CUX1: variants seen among roughly 807,000 people sequenced by gnomAD.
The protein encoded by CUX1 is protein CASP.
A neutral mutation model predicts 158.8 loss-of-function variants in CUX1; 31 were observed. The ratio of observed to expected loss-of-function variants is 0.20; its 90% confidence interval spans 0.15 to 0.26. The LOEUF (loss-of-function observed/expected upper bound fraction) is 0.26, where lower values mean the gene tolerates loss of function less well. Ranked by LOEUF, CUX1 falls within the 10% of genes least tolerant of loss-of-function variation. The pLI is 1.00. For missense variants in CUX1, 1,589 were observed against 2,014.6 expected, an observed-to-expected ratio of 0.79 and a Z score of 4.04; for synonymous variants, 879 against 862.1, an observed-to-expected ratio of 1.02 and a Z score of -0.34.
chr7:102,198,192 G>A (rs1360522447), intron 15 of CUX1, among the ~76,000 whole-genome samples: 2 of 152,188 alleles, frequency 1.3e-5, no homozygotes, highest in Non-Finnish European at 2.9e-5. Flanking sequence ...CCCAGGAGGT[G>A]GAGGCTGCAG....
chr7:102,008,593 A>G lies in CUX1; in HGVS notation c.142-19505A>G, dbSNP rs185585203. ...CTCTGCCCTCTCTAGAGATTGGGAT[A>G]TGACCAGTGTTCAGCCCCCAACCAA... On this transcript the variant is annotated intron_variant, in intron 2 of 23. Coordinates refer to ENST00000292535, the MANE Select transcript of CUX1 (RefSeq NM_181552.4). 2.1e-3 allele frequency among the ~76,000 whole-genome samples: 318 copies of G among 152,208 alleles called. 1 individual carries two copies. Among genetic ancestry groups the G allele is most frequent in the African/African-American group, 7.2e-3 (298 of 41,518 alleles).
chr7:101,952,457 C>T (rs1254590631), intron 2 of CUX1, among the ~76,000 whole-genome samples: 1 of 152,188 alleles, frequency 6.6e-6, no homozygotes, highest in Admixed American at 6.6e-5. Context: ...CGGGCAGGCC[C>T]AGCCGCCTGT....
intron 23 of CUX1, among the ~76,000 whole-genome samples, chr7:102,242,987 G>A (rs1018117720): frequency 6.6e-6 from 1 of 152,094 alleles, no homozygotes; most frequent in Non-Finnish European, 1.5e-5. Flanking sequence ...GTAATCACAG[G>A]TCTGGGCTGG....
At chr7:101,827,290 C>CTTCTT (rs1292238913) in intron 1 of CUX1, among the ~76,000 whole-genome samples, 1 of 113,920 alleles carries the variant, frequency 8.8e-6, no homozygotes, top group African/African-American at 3.3e-5. Context: ...CTTCTCTTCT[C>CTTCTT]TTCTTTTCTT....
intron 4 of CUX1, among the ~76,000 whole-genome samples, chr7:102,071,424 C>G (rs891204100): frequency 6.6e-6 from 1 of 152,126 alleles, no homozygotes; most frequent in Non-Finnish European, 1.5e-5. Flanking sequence ...GCCTTAGAAT[C>G]TGGAGTAAGG....
chr7:101,866,860 C>T (rs1331696876), intron 1 of CUX1, among the ~76,000 whole-genome samples: 6 of 152,080 alleles, frequency 3.9e-5, no homozygotes, highest in South Asian at 2.1e-4. Flanking sequence ...ACAAAGGCGG[C>T]GCCATGGCAT....
chr7:102,259,066 T>C (rs1554542982), downstream of CUX1, among the ~76,000 whole-genome samples: 1 of 152,070 alleles, frequency 6.6e-6, no homozygotes, highest in African/African-American at 2.4e-5. Context: ...AATTTGGAGA[T>C]TTCAGATTGT....
At chr7:102,168,511 G>C (rs1186568338) in intron 9 of CUX1, among the ~76,000 whole-genome samples, 1 of 151,532 alleles carries the variant, frequency 6.6e-6, no homozygotes, top group Non-Finnish European at 1.5e-5. Flanking sequence ...GCCAGGCATG[G>C]TGGGCACCTG....
chr7:102,086,702 C>T (rs1284897043), intron 4 of CUX1, among the ~76,000 whole-genome samples: 5 of 151,834 alleles, frequency 3.3e-5, no homozygotes, highest in African/African-American at 4.8e-5. Context: ...CTCTGCCTCC[C>T]GGGTTTATGC....
intron 3 of CUX1, among the ~76,000 whole-genome samples, chr7:102,041,255 TC>T (rs1563165606): frequency 1.6e-5 from 2 of 124,546 alleles, no homozygotes; most frequent in Non-Finnish European, 3.2e-5. Flanking sequence ...TCTTATCCAT[TC>T]TTTTTTTTTT....
chr7:101,876,169 A>T (rs1799108319), intron 1 of CUX1, among the ~76,000 whole-genome samples: 1 of 151,856 alleles, frequency 6.6e-6, no homozygotes, highest in Admixed American at 6.6e-5. Flanking sequence ...AACATGGCGA[A>T]ACCCCATCTC....
intron 2 of CUX1, among the ~76,000 whole-genome samples, chr7:101,950,385 A>C (rs1301917896): frequency 6.6e-6 from 1 of 152,206 alleles, no homozygotes; most frequent in Non-Finnish European, 1.5e-5. Context: ...TATGAAATTC[A>C]AATTTCATTG....
At chr7:102,092,036 G>A (rs565496235) in intron 4 of CUX1, among the ~76,000 whole-genome samples, 3 of 152,326 alleles carry the variant, frequency 2.0e-5, no homozygotes, top group South Asian at 2.1e-4. Context: ...GATTACAGGC[G>A]TGCGCCATGC....
intron 1 of CUX1, among the ~76,000 whole-genome samples, chr7:101,833,689 G>A (rs1349408648): frequency 2.0e-5 from 3 of 151,962 alleles, no homozygotes; most frequent in African/African-American, 7.3e-5. Context: ...TTACTGTGCT[G>A]TAGTATTTCC....
chr7:101,900,128 A>C (rs909331992), intron 1 of CUX1, among the ~76,000 whole-genome samples: 2 of 152,196 alleles, frequency 1.3e-5, no homozygotes, highest in African/African-American at 4.8e-5. Context: ...GACTAGCAGC[A>C]CTTCTGGGCA....
intron 12 of CUX1, among the ~76,000 whole-genome samples, chr7:102,192,681 G>A (rs897050659): frequency 6.6e-6 from 1 of 152,136 alleles, no homozygotes; most frequent in African/African-American, 2.4e-5. Flanking sequence ...ACACTAGGGG[G>A]ACAGAGGCCG....
In CUX1 at chr7:101,984,477, C is replaced by T. The variant is rs532751412; in HGVS notation, c.142-43621C>T. Among the ~76,000 whole-genome samples, 11 of 147,252 alleles carry T rather than the reference C, an allele frequency of 7.5e-5. No individual in the cohort carries two copies. In the South Asian group the frequency reaches 1.9e-3, roughly 26 times the overall value. ...GTGCTTCGTAGATTTCATTTTTGAA[C>T]GCTCAGATTGTTCTCCGGCAAAAAA... On this transcript the variant is annotated intron_variant, in intron 2 of 23. Transcript: ENST00000292535.
At chr7:101,925,988 G>T (rs1005274560) in intron 2 of CUX1, among the ~76,000 whole-genome samples, 1 of 152,066 alleles carries the variant, frequency 6.6e-6, no homozygotes, top group Non-Finnish European at 1.5e-5. Flanking sequence ...AATTAAAAAA[G>T]AATTCCTCTC....
intron 2 of CUX1, chr7:101,960,312 A>G (rs775938069): frequency 2.0e-5 from 3 of 152,210 alleles, no homozygotes; most frequent in South Asian, 2.1e-4. Context: ...TTACCAAGGA[A>G]TGCTATGGAA....
Sources: gnomAD v4.1 joint callset for allele counts (sites outside exome capture counted in the v4.1 genomes callset) on GRCh38, gnomAD v4.1.1 for gene constraint, MANE v1.5 for transcripts, NCBI Gene and HGNC (gene_info 2026-07-23, HGNC 2026-07-21) for gene names.